EDN1: variants seen among roughly 807,000 people sequenced by gnomAD.
The protein encoded by EDN1 is endothelin 1, also known as endothelin-1.
EDN1 carries 11 observed loss-of-function variants against 21.7 expected under a neutral mutation model. The observed-to-expected ratio is 0.51, with a 90% confidence interval of 0.32 to 0.84. The LOEUF (loss-of-function observed/expected upper bound fraction) is 0.84, where lower values mean the gene tolerates loss of function less well. Among genes scored for constraint, EDN1 ranks in the 40% least tolerant of loss-of-function variants. The pLI is 0.03. For synonymous variants in EDN1, 85 were observed against 90.6 expected (o/e 0.94, Z 0.35); for missense variants, 244 against 262.3 (o/e 0.93, Z 0.48).
chr6:12,270,765 G>A, the EDN1 span, among the ~76,000 whole-genome samples: 2 of 152,182 alleles, frequency 1.3e-5, no homozygotes, highest in African/African-American at 4.8e-5. Flanking sequence ...TGGGTGGAAT[G>A]TTCCGTAATG....
rs1395475373 is a variant in EDN1, at chr6:12,294,043, T to C, written c.336T>C (p.Ala112=). The change falls in exon 3 of 5, where the codon GCT becomes GCC. Residue 112 remains alanine, a synonymous_variant. Coordinates refer to ENST00000379375, the MANE Select transcript of EDN1 (RefSeq NM_001955.5). ...ATDRENRCQC[A]SQKDKKCWNF... is the part of the protein sequence containing the mutation. ...ACCGTGAAAATAGATGCCAATGTGC[T>C]AGCCAAAAAGACAAGAAGTGCTGGA... is the stretch of plus-strand genomic sequence containing the variant. 4 of 1,614,224 alleles carry C rather than the reference T, an allele frequency of 2.5e-6. No individual in the cohort carries two copies.
chr6:12,287,439 T>C (rs944948141), upstream of EDN1, among the ~76,000 whole-genome samples: 2 of 152,062 alleles, frequency 1.3e-5, no homozygotes, highest in African/African-American at 4.8e-5. Flanking sequence ...GGGGTTCTCC[T>C]TCTCCCCTCA....
At position 12,290,495 on chromosome 6, in the gene EDN1, TA is replaced by T. The variant is rs1800997; in HGVS notation, c.-131del. 568,656 of 751,380 alleles carry T rather than the reference TA, an allele frequency of 0.76. 216,416 individuals are homozygous for T. The highest frequency in any genetic ancestry group is 0.85 in the East Asian group (31,686 of 37,322). 46.5% of individuals were successfully genotyped at this position (751,380 alleles called of 1,614,324 possible). ...GGCAGGCGCTGCCTTTTCTCCCCGT[TA>T]AAAGGGCACTTGGGCTGAAGGATCG... On this transcript the variant is annotated 5_prime_UTR_variant, in exon 1 of 5. Coordinates refer to ENST00000379375, the MANE Select transcript of EDN1 (RefSeq NM_001955.5).
the EDN1 span, among the ~76,000 whole-genome samples, chr6:12,239,643 T>G: frequency 2.2e-4 from 33 of 152,286 alleles, no homozygotes; most frequent in Admixed American, 2.1e-3. Context: ...GTGCAGTGAC[T>G]CGCACCTCTA....
At chr6:12,236,114 A>G in the EDN1 span, among the ~76,000 whole-genome samples, 1 of 152,236 alleles carries the variant, frequency 6.6e-6, no homozygotes, top group East Asian at 1.9e-4. Flanking sequence ...TTTCAACTGA[A>G]TAGTTGAAAA....
chr6:12,294,068 A>G lies in EDN1; in HGVS notation c.361A>G (p.Asn121Asp). 2 of 1,614,178 alleles carry G rather than the reference A, an allele frequency of 1.2e-6. No individual in the cohort carries two copies. The highest frequency in any genetic ancestry group is 1.7e-6 in the Non-Finnish European group (2 of 1,180,036). The stretch of plus-strand genomic sequence containing the variant: ...TAGCCAAAAAGACAAGAAGTGCTGG[A>G]ATTTTTGCCAAGCAGGAAAAGAACT... ...CASQKDKKCW[N>D]FCQAGKELRA... The change falls in exon 3 of 5, where the codon AAT becomes GAT. Residue 121 changes from asparagine to aspartate, a missense_variant. Physicochemically the swap from Asn to Asp is conservative, Grantham distance 23. Transcript: ENST00000379375.
At chr6:12,246,698 A>G in the EDN1 span, among the ~76,000 whole-genome samples, 1 of 144,184 alleles carries the variant, frequency 6.9e-6, no homozygotes, top group African/African-American at 2.6e-5. Flanking sequence ...TATTGTTCTC[A>G]GTTTAGACTT....
chr6:12,294,496 T>C, intron 4 of EDN1, 92 bp downstream of exon 4: 1 of 1,485,724 alleles, frequency 6.7e-7, no homozygotes, highest in Non-Finnish European at 9.4e-7. Context: ...CCAGCCCTTC[T>C]TACCCGGGCA....
the EDN1 span, among the ~76,000 whole-genome samples, chr6:12,279,374 A>C: frequency 6.6e-6 from 1 of 152,346 alleles, no homozygotes; most frequent in African/African-American, 2.4e-5. Flanking sequence ...AAGGCTAACC[A>C]GAAAACTCCA....
the EDN1 span, among the ~76,000 whole-genome samples, chr6:12,265,810 G>A: frequency 1.3e-5 from 2 of 152,202 alleles, no homozygotes; most frequent in African/African-American, 4.8e-5. Flanking sequence ...GACTTATTTA[G>A]GGAGAGAGGA....
chr6:12,244,503 G>A, the EDN1 span, among the ~76,000 whole-genome samples: 1 of 152,312 alleles, frequency 6.6e-6, no homozygotes, highest in Non-Finnish European at 1.5e-5. Flanking sequence ...AATAATGTTT[G>A]TTATTTTCCT....
intron 4 of EDN1, among the ~76,000 whole-genome samples, chr6:12,295,442 G>A (rs1762798854): frequency 6.6e-6 from 1 of 151,204 alleles, no homozygotes; most frequent in Admixed American, 6.6e-5. Flanking sequence ...CAACATTACA[G>A]TTCTTCCCTC....
chr6:12,284,246 C>A, the EDN1 span, among the ~76,000 whole-genome samples: 14 of 152,176 alleles, frequency 9.2e-5, no homozygotes, highest in Non-Finnish European at 1.9e-4. Flanking sequence ...GAATAAATTT[C>A]TCACTGTTAT....
chr6:12,260,644 T>C, the EDN1 span, among the ~76,000 whole-genome samples: 1 of 152,204 alleles, frequency 6.6e-6, no homozygotes, highest in Non-Finnish European at 1.5e-5. Flanking sequence ...CCTGCGAAAC[T>C]CACTAATGTT....
the EDN1 span, among the ~76,000 whole-genome samples, chr6:12,276,949 T>A: frequency 6.6e-6 from 1 of 152,198 alleles, no homozygotes; most frequent in Non-Finnish European, 1.5e-5. Context: ...TTATTTTTGT[T>A]TGCTTTTTTT....
chr6:12,274,202 A>T, the EDN1 span, among the ~76,000 whole-genome samples: 1 of 152,242 alleles, frequency 6.6e-6, no homozygotes, highest in Non-Finnish European at 1.5e-5. Flanking sequence ...CTTGAGTAGG[A>T]GATATAACTA....
At chr6:12,295,704 A>G (rs976186380) in intron 4 of EDN1, among the ~76,000 whole-genome samples, 3 of 152,094 alleles carry the variant, frequency 2.0e-5, no homozygotes, top group Non-Finnish European at 2.9e-5. Flanking sequence ...AGTTTATTTA[A>G]AACCTGTATT....
the EDN1 span, among the ~76,000 whole-genome samples, chr6:12,261,688 T>C: frequency 0.4 from 60,278 of 152,086 alleles, 12,428 homozygotes; most frequent in East Asian, 0.6. Context: ...TTGAGAATTA[T>C]GAGGGGAATT....
At position 12,290,692 on chromosome 6, in the gene EDN1, A is replaced by G. The variant is rs776204382; in HGVS notation, c.63A>G (p.Thr21=). 12 of 1,613,420 alleles carry G rather than the reference A, an allele frequency of 7.4e-6. No individual in the cohort carries two copies. In the Middle Eastern group the frequency reaches 4.9e-4, roughly 67 times the overall value. The part of the protein sequence containing the change: ...LFVACQGAPE[T]AVLGAELSAV... ...TGGCTTGCCAAGGAGCTCCAGAAAC[A>G]GGTAGGCACGCTCGTTGACTTGTAA... The change falls in exon 1 of 5, where the codon ACA becomes ACG. Residue 21 remains threonine, a splice_region_variant and synonymous_variant. Coordinates refer to ENST00000379375, the MANE Select transcript of EDN1 (RefSeq NM_001955.5).
Sources: gnomAD v4.1 joint callset for allele counts (sites outside exome capture counted in the v4.1 genomes callset) on GRCh38, gnomAD v4.1.1 for gene constraint, MANE v1.5 for transcripts, NCBI Gene and HGNC (gene_info 2026-07-23, HGNC 2026-07-21) for gene names.